Variants in ENOX1 observed in about 807,000 individuals in gnomAD.
ENOX1 encodes ecto-NOX disulfide-thiol exchanger 1, also known as candidate growth-related and time keeping constitutive hydroquinone (NADH) oxidase.
ENOX1 carries 42 observed loss-of-function variants against 82.5 expected under a neutral mutation model. The observed-to-expected ratio is 0.51, with a 90% CI of 0.40 to 0.66. ENOX1 has a LOEUF of 0.66. Ranked by LOEUF, ENOX1 falls within the 30% of genes least tolerant of loss-of-function variation. The pLI is 0.00. For synonymous variants in ENOX1, 271 were observed against 282.2 expected (o/e 0.96, Z 0.40); for missense variants, 608 against 811.6 (o/e 0.75, Z 3.05).
intron 2 of ENOX1, among the ~76,000 whole-genome samples, chr13:43,512,618 G>GTTT (rs35147827): frequency 7.3e-6 from 1 of 137,160 alleles, no homozygotes; most frequent in Non-Finnish European, 1.6e-5. Context: ...ATGTGTGTGG[G>GTTT]TTTTTTTTTT....
intron 3 of ENOX1, among the ~76,000 whole-genome samples, chr13:43,450,550 T>C (rs1207669439): frequency 2.0e-5 from 3 of 152,004 alleles, no homozygotes. Flanking sequence ...GAAGGGCCTT[T>C]ATTATGGTTT....
chr13:43,299,518 C>G (rs1389501093), intron 11 of ENOX1, among the ~76,000 whole-genome samples: 1 of 152,138 alleles, frequency 6.6e-6, no homozygotes, highest in Non-Finnish European at 1.5e-5. Context: ...AAATGTGGCA[C>G]AGAGAAGTTA....
At chr13:43,590,646 C>A (rs539259753) in intron 2 of ENOX1, among the ~76,000 whole-genome samples, 1 of 151,740 alleles carries the variant, frequency 6.6e-6, no homozygotes, top group South Asian at 2.1e-4. Flanking sequence ...CACAGTGGCA[C>A]GCGCCTGTAG....
At chr13:43,415,883 T>C (rs78156884) in intron 3 of ENOX1, among the ~76,000 whole-genome samples, 20 of 108,716 alleles carry the variant, frequency 1.8e-4, no homozygotes, top group East Asian at 6.3e-4. Context: ...CGGGCAGAGA[T>C]GCTCCCCACT....
intron 3 of ENOX1, among the ~76,000 whole-genome samples, chr13:43,452,141 C>T (rs947592673): frequency 3.3e-5 from 5 of 152,052 alleles, no homozygotes; most frequent in African/African-American, 4.8e-5. Flanking sequence ...TTTTATTATA[C>T]TTTAAGTTCT....
intron 2 of ENOX1, among the ~76,000 whole-genome samples, chr13:43,571,085 T>A (rs556144196): frequency 2.0e-5 from 3 of 152,296 alleles, no homozygotes; most frequent in African/African-American, 7.2e-5. Context: ...TAGCTCATTA[T>A]CTTCCTCCCT....
chr13:43,722,278 T>C (rs1011721423), intron 1 of ENOX1, among the ~76,000 whole-genome samples: 4 of 152,192 alleles, frequency 2.6e-5, no homozygotes, highest in African/African-American at 9.7e-5. Context: ...AATGATGAGA[T>C]GGCATAACAG....
chr13:43,646,779 T>C (rs1371786684), intron 2 of ENOX1, among the ~76,000 whole-genome samples: 2 of 152,160 alleles, frequency 1.3e-5, no homozygotes, highest in Non-Finnish European at 2.9e-5. Flanking sequence ...GTGATCATAC[T>C]CACTTTCCCT....
At chr13:43,610,447 T>G (rs1357081187) in intron 2 of ENOX1, among the ~76,000 whole-genome samples, 1 of 152,190 alleles carries the variant, frequency 6.6e-6, no homozygotes, top group African/African-American at 2.4e-5. Flanking sequence ...AAAATGATAT[T>G]TTTAAAGTAC....
chr13:43,661,489 AGAC>A (rs2084726250), intron 2 of ENOX1, among the ~76,000 whole-genome samples: 1 of 152,218 alleles, frequency 6.6e-6, no homozygotes, highest in Non-Finnish European at 1.5e-5. Context: ...ACAATTTTGT[AGAC>A]AACAAAGAGA....
At chr13:43,392,537 TA>T (rs1208710075) in intron 5 of ENOX1, among the ~76,000 whole-genome samples, 2 of 151,722 alleles carry the variant, frequency 1.3e-5, no homozygotes, top group East Asian at 1.9e-4. Context: ...AAAATATAAA[TA>T]AAAAAAATTA....
chr13:43,543,913 C>CTTTTTTTTT (rs11324994), intron 2 of ENOX1: 25 of 97,422 alleles, frequency 2.6e-4, no homozygotes, highest in Non-Finnish European at 3.4e-4. Context: ...TTTTCTTTTT[C>CTTTTTTTTT]TTTTTTTTTT....
At chr13:43,393,203 A>C (rs562360723) in intron 5 of ENOX1, among the ~76,000 whole-genome samples, 17 of 152,368 alleles carry the variant, frequency 1.1e-4, no homozygotes, top group Admixed American at 3.9e-4. Context: ...TCCTTTGGCT[A>C]GAAGTACAAG....
intron 1 of ENOX1, among the ~76,000 whole-genome samples, chr13:43,765,157 A>G (rs1263190469): frequency 6.6e-6 from 1 of 152,238 alleles, no homozygotes; most frequent in Non-Finnish European, 1.5e-5. Flanking sequence ...ATTCCTCAAC[A>G]TGGCATATAT....
At chr13:43,772,683 A>C (rs1219080919) in intron 1 of ENOX1, among the ~76,000 whole-genome samples, 1 of 146,074 alleles carries the variant, frequency 6.8e-6, no homozygotes, top group Non-Finnish European at 1.5e-5. Context: ...CAGAAGGCAG[A>C]GGTTGCAGTG....
At chr13:43,704,674 G>A (rs1026594304) in intron 1 of ENOX1, among the ~76,000 whole-genome samples, 5 of 152,222 alleles carry the variant, frequency 3.3e-5, no homozygotes, top group African/African-American at 9.6e-5. Context: ...CCTGAATCCC[G>A]CATTTAAATC....
chr13:43,326,545 C>A lies in ENOX1; in HGVS notation c.1037-20G>T. The stretch of plus-strand genomic sequence containing the variant: ...GCTCAACTTTGGTGAACAAGGAAGT[C>A]AAACAAGACAAGTAATTTATGTTGT... On this transcript the variant is annotated intron_variant, in intron 9 of 16. Transcript: ENST00000690772. The A allele has an allele frequency of 6.3e-7, 1 of 1,589,690 alleles. No individual in the cohort carries two copies. Among genetic ancestry groups the A allele is most frequent in the South Asian group, 1.1e-5 (1 of 90,558 alleles).
intron 5 of ENOX1, among the ~76,000 whole-genome samples, chr13:43,374,131 T>C (rs1163925221): frequency 2.0e-5 from 3 of 149,820 alleles, no homozygotes. Flanking sequence ...CTCCTTTCCT[T>C]TCCTTTCTTT....
At chr13:43,493,324 T>C (rs1355756745) in intron 2 of ENOX1, among the ~76,000 whole-genome samples, 3 of 152,106 alleles carry the variant, frequency 2.0e-5, no homozygotes, top group Non-Finnish European at 4.4e-5. Context: ...CATCTGGAAG[T>C]TGGAGAACAA....
Sources: gnomAD v4.1 joint callset for allele counts (sites outside exome capture counted in the v4.1 genomes callset) on GRCh38, gnomAD v4.1.1 for gene constraint, MANE v1.5 for transcripts, NCBI Gene and HGNC (gene_info 2026-07-23, HGNC 2026-07-21) for gene names.